The following PDCD6 variants were observed in gnomAD, a reference collection of about 807,000 sequenced individuals.
PDCD6 encodes programmed cell death 6.
A neutral mutation model predicts 28.3 loss-of-function variants in PDCD6; 12 were observed. That is an observed-to-expected ratio of 0.42 (90% CI 0.27 to 0.69). The LOEUF is 0.69. PDCD6 is among the 30% of genes least tolerant of loss of function. The pLI is 0.22. For missense variants in PDCD6, 226 were observed against 269.9 expected, an observed-to-expected ratio of 0.84 and a Z score of 1.14; for synonymous variants, 92 against 108.0, an observed-to-expected ratio of 0.85 and a Z score of 0.92.
rs965969084 is a variant in PDCD6, at chr5:307,326, GGTGTGCTCGGC to G, written c.367+572_367+582del. 1.9e-5 allele frequency among the ~76,000 whole-genome samples: 1 copy of G among 53,856 alleles called. No homozygotes were observed. Among genetic ancestry groups the G allele is most frequent in the African/African-American group, 5.0e-5 (1 of 19,850 alleles). The allele number at this position is 53,856 out of a possible 152,430, so 35.3% of individuals were successfully genotyped here. On this transcript the variant is annotated intron_variant, in intron 4 of 5. Coordinates refer to ENST00000264933, the MANE Select transcript of PDCD6 (RefSeq NM_013232.4). This position sits in a 1 kb window ranked among gnomAD's most constrained non-coding sequence, Gnocchi z 6.1. ...TAGGCAGAACGCGTGCCCATTCTCA[GGTGTGCTCGGC>G]GTGTGTGTGCTCGGCGTGTGTGTGC... is the stretch of plus-strand genomic sequence containing the variant.
chr5:282,277 G>GC (rs1329700343), intron 2 of PDCD6, among the ~76,000 whole-genome samples: 1 of 139,774 alleles, frequency 7.2e-6, no homozygotes, highest in African/African-American at 2.6e-5. Flanking sequence ...AAAATCGGGG[G>GC]GGGGGGAGCT....
intron 2 of PDCD6, among the ~76,000 whole-genome samples, chr5:283,904 G>T (rs1738758637): frequency 6.6e-6 from 1 of 152,190 alleles, no homozygotes; most frequent in Admixed American, 6.5e-5. Flanking sequence ...GTTCTAGTTT[G>T]AGGGTCATGC....
chr5:279,783 C>CAAAAAAAA (rs35224887), intron 2 of PDCD6, among the ~76,000 whole-genome samples: 1 of 75,604 alleles, frequency 1.3e-5, no homozygotes, highest in African/African-American at 6.5e-5. Context: ...AAAGTAATGG[C>CAAAAAAAA]AAAAAAAAAA....
intron 2 of PDCD6, among the ~76,000 whole-genome samples, chr5:280,529 G>C (rs1355675941): frequency 3.3e-5 from 5 of 151,154 alleles, no homozygotes; most frequent in African/African-American, 9.7e-5. Flanking sequence ...GCTGTGGATG[G>C]GAGCTGGCAT....
chr5:277,732 A>G (rs989185120), intron 2 of PDCD6, among the ~76,000 whole-genome samples: 2 of 151,966 alleles, frequency 1.3e-5, no homozygotes, highest in Non-Finnish European at 2.9e-5. Context: ...GGGGGCCAAC[A>G]TGGTGAAACC....
intron 3 of PDCD6, chr5:306,259 C>T (rs1404286534): frequency 7.9e-6 from 2 of 254,062 alleles, no homozygotes; most frequent in African/African-American, 2.2e-5. Flanking sequence ...CCCCGTGCCT[C>T]GGAAGCTGAG....
intron 2 of PDCD6, among the ~76,000 whole-genome samples, chr5:274,001 A>G (rs374300593): frequency 2.0e-5 from 3 of 151,428 alleles, no homozygotes; most frequent in African/African-American, 7.3e-5. Context: ...TGGCTACTAG[A>G]AAGAGATGTC....
In PDCD6 at chr5:271,823, T is replaced by C; in HGVS notation, c.101+2T>C. 4.2e-6 allele frequency: 6 copies of C among 1,422,614 alleles called. No homozygotes were observed. Among genetic ancestry groups the C allele is most frequent in the Non-Finnish European group, 5.5e-6 (6 of 1,088,852 alleles). 88.1% of individuals were successfully genotyped at this position (1,422,614 alleles called of 1,614,324 possible). ...CTTCCTGTGGAACGTTTTCCAGAGG[T>C]GCGGCCTGGCACCGCCCGGGCACCT... On this transcript the variant is annotated splice_donor_variant, in intron 1 of 5. Transcript: ENST00000264933. LOFTEE classifies it high-confidence loss of function.
At chr5:286,135 A>AG (rs1420720457) in intron 2 of PDCD6, among the ~76,000 whole-genome samples, 2 of 146,356 alleles carry the variant, frequency 1.4e-5, no homozygotes, top group Non-Finnish European at 3.0e-5. Flanking sequence ...GTGCAGCTGG[A>AG]GACCCGGGGG....
chr5:285,525 C>T (rs1269961425), intron 2 of PDCD6, among the ~76,000 whole-genome samples: 6 of 151,592 alleles, frequency 4.0e-5, no homozygotes, highest in Non-Finnish European at 7.4e-5. Flanking sequence ...TGGTGGGGAG[C>T]TGATGTTCCA....
intron 2 of PDCD6, among the ~76,000 whole-genome samples, chr5:288,291 A>G (rs1316873130): frequency 1.2e-5 from 1 of 83,554 alleles, no homozygotes; most frequent in African/African-American, 4.7e-5. Context: ...TAATATATAT[A>G]TTATATATAT....
intron 2 of PDCD6, among the ~76,000 whole-genome samples, chr5:286,732 G>A (rs565160752): frequency 4.6e-5 from 7 of 151,384 alleles, no homozygotes; most frequent in Non-Finnish European, 3.0e-5. Context: ...TTTGAGGGCC[G>A]TGCAGGTGGA....
chr5:296,089 G>GT (rs756244232), intron 2 of PDCD6, among the ~76,000 whole-genome samples: 25 of 152,162 alleles, frequency 1.6e-4, no homozygotes, highest in Non-Finnish European at 2.6e-4. Flanking sequence ...CTGATGGTCA[G>GT]TTTCCTAAGA....
chr5:314,462 T>C lies in PDCD6; in HGVS notation c.523T>C (p.Trp175Arg), dbSNP rs369618664. Reference sequence around the variant, plus strand: ...ACGTTACGACACGGATCAGGACGGCTGGATTCAGGTGTCGTACGAACAGTA... The same window carrying C: ...ACGTTACGACACGGATCAGGACGGCCGGATTCAGGTGTCGTACGAACAGTA... ...FRRYDTDQDG[W>R]IQVSYEQYLS... The change falls in exon 6 of 6, where the codon TGG becomes CGG. Residue 175 changes from tryptophan to arginine, a missense_variant. Around this residue, in one of 3 missense-constraint regions of PDCD6, gnomAD observed 151 missense variants for 177.2 expected, o/e 0.85. Coordinates refer to ENST00000264933, the MANE Select transcript of PDCD6 (RefSeq NM_013232.4). The C allele has an allele frequency of 6.2e-7, 1 of 1,613,958 alleles. No homozygotes were observed. The highest frequency in any genetic ancestry group is 8.5e-7 in the Non-Finnish European group (1 of 1,179,990).
At chr5:290,839 G>A (rs1476810794) in intron 2 of PDCD6, among the ~76,000 whole-genome samples, 1 of 152,226 alleles carries the variant, frequency 6.6e-6, no homozygotes, top group African/African-American at 2.4e-5. Context: ...GATCACAAGC[G>A]TATCCATGGT....
At chr5:301,789 G>A (rs533247589) in intron 2 of PDCD6, among the ~76,000 whole-genome samples, 1 of 151,024 alleles carries the variant, frequency 6.6e-6, no homozygotes, top group Non-Finnish European at 1.5e-5. Context: ...GCTGCTCTGT[G>A]TGTATGCCTC....
intron 2 of PDCD6, among the ~76,000 whole-genome samples, chr5:277,190 C>A (rs9313009): frequency 0.24 from 36,517 of 151,832 alleles, 6,825 homozygotes; most frequent in African/African-American, 0.53. Context: ...CAGTGGCACG[C>A]TCTTGGCTCA....
intron 2 of PDCD6, chr5:288,839 T>G: frequency 6.9e-7 from 1 of 1,443,314 alleles, no homozygotes; most frequent in East Asian, 2.3e-5. Context: ...AATAGTCTTG[T>G]TCCATTGGTT....
At chr5:296,222 A>C (rs1225634115) in intron 2 of PDCD6, among the ~76,000 whole-genome samples, 1 of 152,214 alleles carries the variant, frequency 6.6e-6, no homozygotes, top group Non-Finnish European at 1.5e-5. Context: ...GTTCAACACC[A>C]GATCTGATCG....
Sources: allele counts gnomAD v4.1 joint callset (sites outside exome capture counted in the v4.1 genomes callset), GRCh38; gene constraint gnomAD v4.1.1; regional missense constraint gnomAD v4.1.1; non-coding constraint Gnocchi (gnomAD v3.1); transcripts MANE v1.5; gene names NCBI Gene and HGNC (gene_info 2026-07-23, HGNC 2026-07-21).